PDS5B: variants seen among roughly 807,000 people sequenced by gnomAD.
The protein encoded by PDS5B is PDS5 cohesin associated factor B.
A neutral mutation model predicts 184.1 loss-of-function variants in PDS5B; 51 were observed. The ratio of observed to expected loss-of-function variants is 0.28; its 90% confidence interval spans 0.22 to 0.35. The LOEUF (loss-of-function observed/expected upper bound fraction) is 0.35, where lower values mean the gene tolerates loss of function less well. PDS5B is among the 10% of genes least tolerant of loss of function. The probability of loss-of-function intolerance (pLI) is 1.00; values close to 1 mark genes in which losing one functional copy is unlikely to be tolerated. For synonymous variants in PDS5B, 566 were observed against 569.2 expected (o/e 0.99, Z 0.08); for missense variants, 1,180 against 1,723.3 (o/e 0.68, Z 5.58).
At chr13:32,729,852 A>T (rs529725403) in intron 19 of PDS5B, among the ~76,000 whole-genome samples, 1 of 152,306 alleles carries the variant, frequency 6.6e-6, no homozygotes, top group South Asian at 2.1e-4. Flanking sequence ...CCTTTGTCAG[A>T]TGAATAGAGT....
At chr13:32,755,518 T>C (rs530881222) in intron 25 of PDS5B, among the ~76,000 whole-genome samples, 4 of 152,258 alleles carry the variant, frequency 2.6e-5, no homozygotes, top group Non-Finnish European at 5.9e-5. Flanking sequence ...CTCTTGAATA[T>C]AGTTTGTTTG....
At chr13:32,697,551 A>G (rs1418140841) in intron 15 of PDS5B, among the ~76,000 whole-genome samples, 3 of 152,364 alleles carry the variant, frequency 2.0e-5, no homozygotes, top group Admixed American at 1.3e-4. Flanking sequence ...ACTGAAGATA[A>G]CAGTAAACCT....
chr13:32,729,633 G>A (rs959761220), intron 19 of PDS5B, among the ~76,000 whole-genome samples: 28 of 151,998 alleles, frequency 1.8e-4, no homozygotes, highest in Non-Finnish European at 3.2e-4. Flanking sequence ...TTTAATGATC[G>A]CAATTCTAAC....
rs186785945 is a variant in PDS5B, at chr13:32,628,002, A to G, written c.-19-20752A>G. The stretch of plus-strand genomic sequence containing the variant: ...ACTCTCTTGGCTCCTGCCAGAGTAT[A>G]TAATCTAGAATAGATCTGTTGCCCA... On this transcript the variant is annotated intron_variant, in intron 1 of 34. Coordinates refer to ENST00000315596, the MANE Select transcript of PDS5B (RefSeq NM_015032.4). 2.2e-3 allele frequency among the ~76,000 whole-genome samples: 332 copies of G among 152,362 alleles called. 3 individuals carry two copies. Among genetic ancestry groups the G allele is most frequent in the African/African-American group, 7.8e-3 (325 of 41,586 alleles).
chr13:32,666,076 ATTTG>A (rs943844130), intron 6 of PDS5B, among the ~76,000 whole-genome samples: 7 of 151,904 alleles, frequency 4.6e-5, no homozygotes, highest in South Asian at 2.1e-4. Flanking sequence ...TCTTTCTAGT[ATTTG>A]TTTGTTTGTT....
chr13:32,718,016 A>C (rs1443955571), intron 19 of PDS5B, among the ~76,000 whole-genome samples: 1 of 152,028 alleles, frequency 6.6e-6, no homozygotes, highest in East Asian at 1.9e-4. Flanking sequence ...TTATGGCCAA[A>C]CATGGTTAAT....
chr13:32,732,697 A>G (rs1297218496), intron 20 of PDS5B, among the ~76,000 whole-genome samples: 2 of 152,104 alleles, frequency 1.3e-5, no homozygotes, highest in African/African-American at 4.8e-5. Flanking sequence ...TCTTTTCAAT[A>G]TATATTTTAT....
intron 1 of PDS5B, among the ~76,000 whole-genome samples, chr13:32,597,604 G>C (rs111249175): frequency 0.048 from 7,345 of 151,902 alleles, 515 homozygotes; most frequent in African/African-American, 0.16. Context: ...GGCCGAGGGG[G>C]GGGCGGCAGG....
chr13:32,645,276 C>T (rs1950189252), intron 1 of PDS5B, among the ~76,000 whole-genome samples: 1 of 152,188 alleles, frequency 6.6e-6, no homozygotes, highest in Non-Finnish European at 1.5e-5. Context: ...AGCCATTGTG[C>T]CTGGCCTCTG....
intron 17 of PDS5B, among the ~76,000 whole-genome samples, chr13:32,705,880 T>G (rs540960582): frequency 4.6e-5 from 7 of 152,150 alleles, no homozygotes; most frequent in Non-Finnish European, 8.8e-5. Flanking sequence ...TTGCTCAGGC[T>G]GGTCTTGAAC....
intron 19 of PDS5B, among the ~76,000 whole-genome samples, chr13:32,712,334 A>G (rs900846096): frequency 2.6e-5 from 4 of 152,234 alleles, no homozygotes; most frequent in African/African-American, 7.2e-5. Context: ...CATGAGGAGA[A>G]TTAACTCAGC....
chr13:32,655,358 CCATATATATATAT>C lies in PDS5B; in HGVS notation c.313-2880_313-2868del, dbSNP rs1950476683. 1.6e-4 allele frequency among the ~76,000 whole-genome samples: 4 copies of C among 25,472 alleles called. No homozygotes were observed. The South Asian group carries it at 9.2e-3, about 58-fold the overall frequency. 16.7% of individuals were successfully genotyped at this position (25,472 alleles called of 152,430 possible). On this transcript the variant is annotated intron_variant, in intron 3 of 34. Coordinates refer to ENST00000315596, the MANE Select transcript of PDS5B (RefSeq NM_015032.4). ...GAAAAGTATCTCTTCATGTTCTTTGCCATATATATATATATATTTTTTTTTTTTTTTTTTTTTT... is the reference window on the plus strand; with the variant it reads ...GAAAAGTATCTCTTCATGTTCTTTGCATATTTTTTTTTTTTTTTTTTTTTT...
rs1025193043 is a variant in PDS5B at position 32,622,750 on chromosome 13, A to G, written c.-19-26004A>G. Reference sequence around the variant, plus strand: ...TTTTTTCTGATAATTTGAATCTTTTAATCATTTTGTGATGGCTTCTGTATG... The same window carrying G: ...TTTTTTCTGATAATTTGAATCTTTTGATCATTTTGTGATGGCTTCTGTATG... On this transcript the variant is annotated intron_variant, in intron 1 of 34. Coordinates refer to ENST00000315596, the MANE Select transcript of PDS5B (RefSeq NM_015032.4). Among the ~76,000 whole-genome samples the G allele has an allele frequency of 2.0e-5, 3 of 152,280 alleles. No individual in the cohort carries two copies. The East Asian group carries it at 5.8e-4, about 29-fold the overall frequency.
intron 21 of PDS5B, among the ~76,000 whole-genome samples, chr13:32,735,894 T>G (rs919949686): frequency 4.6e-5 from 7 of 152,184 alleles, no homozygotes; most frequent in Admixed American, 4.6e-4. Flanking sequence ...TCTGGGTTAA[T>G]CTGCCACCTG....
In PDS5B at chr13:32,777,423, T is replaced by G. The variant is rs1320373109; in HGVS notation, c.*2371T>G. 2.0e-5 allele frequency: 3 copies of G among 151,376 alleles called. No homozygotes were observed. Among genetic ancestry groups the G allele is most frequent in the Non-Finnish European group, 4.4e-5 (3 of 67,508 alleles). The allele number at this position is 151,376 out of a possible 1,614,324, so 9.4% of individuals were successfully genotyped here. A position where few individuals can be genotyped will look rare whatever the true frequency, so the allele number is the denominator to read the frequency against. On this transcript the variant is annotated 3_prime_UTR_variant, in exon 35 of 35. Transcript: ENST00000315596. ...GTTTTGATGTCTTGAGTCTCCATCT[T>G]AGGGGATTATCTTACGTTTAAGCTT...
chr13:32,668,065 A>G (rs771104041), intron 7 of PDS5B, among the ~76,000 whole-genome samples: 1 of 152,076 alleles, frequency 6.6e-6, no homozygotes, highest in African/African-American at 2.4e-5. Context: ...ATCTTCTTTC[A>G]AATTGCCTGA....
At chr13:32,614,280 A>C (rs938218264) in intron 1 of PDS5B, among the ~76,000 whole-genome samples, 1 of 149,402 alleles carries the variant, frequency 6.7e-6, no homozygotes, top group Non-Finnish European at 1.5e-5. Context: ...GCGGGGATTC[A>C]CATTATTCAC....
intron 11 of PDS5B, among the ~76,000 whole-genome samples, chr13:32,684,933 G>A (rs113094899): frequency 0.01 from 1,576 of 152,208 alleles, 38 homozygotes; most frequent in African/African-American, 0.035. Flanking sequence ...CTAACATGGC[G>A]AAATCCCGTC....
chr13:32,693,762 C>T (rs959501998), intron 13 of PDS5B, among the ~76,000 whole-genome samples: 3 of 150,946 alleles, frequency 2.0e-5, no homozygotes, highest in African/African-American at 7.3e-5. Context: ...AAATTTCTGC[C>T]TGAGAACAAT....
Sources: gnomAD v4.1 joint callset for allele counts (sites outside exome capture counted in the v4.1 genomes callset) on GRCh38, gnomAD v4.1.1 for gene constraint, MANE v1.5 for transcripts, NCBI Gene and HGNC (gene_info 2026-07-23, HGNC 2026-07-21) for gene names.